The following KCNH4 variants were observed in gnomAD, a reference collection of about 807,000 sequenced individuals.
The protein encoded by KCNH4 is voltage-gated delayed rectifier potassium channel KCNH4.
KCNH4 carries 33 observed loss-of-function variants against 90.7 expected under a neutral mutation model. The observed-to-expected ratio is 0.36, with a 90% CI of 0.28 to 0.49. The LOEUF is 0.49. KCNH4 is among the 20% of genes least tolerant of loss of function. The pLI is 0.98. For synonymous variants in KCNH4, 551 were observed against 581.7 expected (o/e 0.95, Z 0.76); for missense variants, 1,044 against 1,387.1 (o/e 0.75, Z 3.93).
rs1163768172 is a variant in KCNH4 at position 42,181,132 on chromosome 17, C to A, written c.-187G>T. 1.8e-6 allele frequency: 1 copy of A among 551,976 alleles called. No homozygotes were observed. The highest frequency in any genetic ancestry group is 3.3e-5 in the East Asian group (1 of 29,946). The allele number at this position is 551,976 out of a possible 1,614,324, so 34.2% of individuals were successfully genotyped here. On this transcript the variant is annotated 5_prime_UTR_variant, in exon 1 of 17. Transcript: ENST00000264661. ...CCGTAGCTCTCGGCTCGGCTCAGCG[C>A]CGTTTCGGTCCCCCCCACCTCCCCA...
intron 6 of KCNH4, among the ~76,000 whole-genome samples, chr17:42,174,734 A>C (rs186475465): frequency 6.6e-6 from 1 of 152,090 alleles, no homozygotes; most frequent in Non-Finnish European, 1.5e-5. Context: ...AAGACCTACT[A>C]TCTGCTGGCT....
intron 16 of KCNH4, among the ~76,000 whole-genome samples, chr17:42,158,138 G>A (rs2079721160): frequency 6.6e-6 from 1 of 151,804 alleles, no homozygotes; most frequent in Non-Finnish European, 1.5e-5. Flanking sequence ...ATGTTGGTCA[G>A]GCTGGTCTCG....
In KCNH4 at chr17:42,166,381, GGCGCAACA is replaced by G; in HGVS notation, c.1748_1755del (p.Leu583ProfsTer17). The G allele has an allele frequency of 6.2e-7, 1 of 1,613,824 alleles. No homozygotes were observed. Among genetic ancestry groups the G allele is most frequent in the Non-Finnish European group, 8.5e-7 (1 of 1,179,856 alleles). ...TAATGTGCCTGCAGGGCATCCCCAC[GGCGCAACA>G]GGTACTCGCCCGGAGCGCAGAACGA... is the stretch of plus-strand genomic sequence containing the variant. On this transcript the variant is annotated frameshift_variant, in exon 10 of 17. Transcript: ENST00000264661. LOFTEE classifies it high-confidence loss of function.
chr17:42,164,875 G>T (rs530797262), intron 11 of KCNH4, among the ~76,000 whole-genome samples: 1 of 151,494 alleles, frequency 6.6e-6, no homozygotes, highest in African/African-American at 2.4e-5. Context: ...GGAGGCCGAG[G>T]TGGGTGGATC....
chr17:42,159,759 G>T lies in KCNH4; in HGVS notation c.*281C>A, dbSNP rs904581433. ...CCTCCAGGTCCTGGGGAGAAAGTAGGATCTCATCTGCCCAGCCCAATGGGC... is the reference window on the plus strand; with the variant it reads ...CCTCCAGGTCCTGGGGAGAAAGTAGTATCTCATCTGCCCAGCCCAATGGGC... On this transcript the variant is annotated 3_prime_UTR_variant, in exon 16 of 17. Coordinates refer to ENST00000264661, the MANE Select transcript of KCNH4 (RefSeq NM_012285.3). 3.3e-6 allele frequency: 1 copy of T among 303,268 alleles called. No homozygotes were observed. The highest frequency in any genetic ancestry group is 5.0e-5 in the Admixed American group (1 of 19,926). The allele number at this position is 303,268 out of a possible 1,614,324, so 18.8% of individuals were successfully genotyped here. A position where few individuals can be genotyped will look rare whatever the true frequency, so the allele number is the denominator to read the frequency against.
chr17:42,166,975 A>C (rs1378635466), intron 9 of KCNH4, among the ~76,000 whole-genome samples: 1 of 152,136 alleles, frequency 6.6e-6, no homozygotes, highest in East Asian at 1.9e-4. Flanking sequence ...TTATTAGACC[A>C]TGGGCACTAC....
chr17:42,178,959 G>T lies in KCNH4; in HGVS notation c.144C>A (p.Gly48=), dbSNP rs770683947. The change falls in exon 2 of 17, where the codon GGC becomes GGA. Residue 48 remains glycine (G), a synonymous_variant. Transcript: ENST00000264661. The part of the protein sequence containing the change: ...RGFPIVYCSD[G]FCELTGYGRT... ...GACCGTAGCCTGTGAGCTCGCAGAA[G>T]CCGTCGGAGCAGTAGACGATGGGAA... is the stretch of plus-strand genomic sequence containing the variant. 3 of 1,614,140 alleles carry T rather than the reference G, an allele frequency of 1.9e-6. No homozygotes were observed. In the African/African-American group the frequency reaches 4.0e-5, roughly 22 times the overall value.
chr17:42,178,309 G>T, intron 3 of KCNH4, 22 bp downstream of exon 3: 2 of 1,614,154 alleles, frequency 1.2e-6, no homozygotes, highest in Non-Finnish European at 1.7e-6. Context: ...CATTCACACT[G>T]CCCGTCCGGA....
At chr17:42,178,639 G>A (rs930172426) in intron 2 of KCNH4, among the ~76,000 whole-genome samples, 154 bp downstream of exon 2, 1 of 152,266 alleles carries the variant, frequency 6.6e-6, no homozygotes, top group Admixed American at 6.5e-5. Context: ...CTTTCAAATG[G>A]GGGAACCCAG....
chr17:42,160,920 CTTTTTTTTT>C (rs57677761), intron 15 of KCNH4, among the ~76,000 whole-genome samples: 89 of 73,420 alleles, frequency 1.2e-3, no homozygotes, highest in African/African-American at 4.3e-3. Context: ...TTTTCTTTTT[CTTTTTTTTT>C]TTTTTTTTTT....
intron 14 of KCNH4, among the ~76,000 whole-genome samples, chr17:42,162,964 T>A (rs2079759173): frequency 6.6e-6 from 1 of 152,216 alleles, no homozygotes; most frequent in South Asian, 2.1e-4. Context: ...TCCCCTCCTC[T>A]GCAAGGAAGT....
At position 42,165,705 on chromosome 17, in the gene KCNH4, G is replaced by C. The variant is rs1202728514; in HGVS notation, c.1841-12C>G. ...CAGGTCCCCCTTCCCTGTAGGTAAG[G>C]GATGGGGACAGTCAGCTGGGGCAGT... On this transcript the variant is annotated splice_polypyrimidine_tract_variant and intron_variant, in intron 10 of 16. Coordinates refer to ENST00000264661, the MANE Select transcript of KCNH4 (RefSeq NM_012285.3). The C allele has an allele frequency of 6.2e-7, 1 of 1,613,722 alleles. No individual in the cohort carries two copies. Among genetic ancestry groups the C allele is most frequent in the Non-Finnish European group, 8.5e-7 (1 of 1,179,778 alleles).
chr17:42,171,706 G>T (rs529567011), intron 7 of KCNH4, 82 bp downstream of exon 7: 1 of 1,187,868 alleles, frequency 8.4e-7, no homozygotes, highest in Non-Finnish European at 1.3e-6. Context: ...GGGATGAGGG[G>T]TGTGGGTACT....
Position 42,164,029 on chromosome 17 carries a change from C to T in KCNH4, c.2125-71G>A, listed in dbSNP as rs1351613642. The T allele has an allele frequency of 1.7e-5, 26 of 1,503,264 alleles. 1 individual carries two copies. Among genetic ancestry groups the T allele is most frequent in the East Asian group, 5.0e-5 (2 of 40,308 alleles). The allele number at this position is 1,503,264 out of a possible 1,614,324, so 93.1% of individuals were successfully genotyped here. On this transcript the variant is annotated intron_variant, in intron 12 of 16. Coordinates refer to ENST00000264661, the MANE Select transcript of KCNH4 (RefSeq NM_012285.3). ...GACCCCTTCATTAAGTAAGAGCCTT[C>T]GCCGGCGGATGCAGCTCCCCATCCA...
At chr17:42,172,434 A>C (rs1490872980) in intron 6 of KCNH4, among the ~76,000 whole-genome samples, 1 of 151,768 alleles carries the variant, frequency 6.6e-6, no homozygotes, top group Non-Finnish European at 1.5e-5. Flanking sequence ...GGCCTCCCAA[A>C]GTGCTGGGAT....
chr17:42,177,247 C>T (rs2079868404), intron 4 of KCNH4, among the ~76,000 whole-genome samples: 1 of 152,122 alleles, frequency 6.6e-6, no homozygotes, highest in Non-Finnish European at 1.5e-5. Flanking sequence ...TGGGGTTTCT[C>T]CATGTTGGTC....
At position 42,163,499 on chromosome 17, in the gene KCNH4, G is replaced by A. The variant is rs1294729184; in HGVS notation, c.2477+107C>T. ...GGTTGGAAGGGTGCGGTGGGCACAC[G>A]GGCAGAGACGGAATGTAGCACTGTT... On this transcript the variant is annotated intron_variant, in intron 13 of 16. Transcript: ENST00000264661. This position sits in a 1 kb window ranked among gnomAD's most constrained non-coding sequence, Gnocchi z 5.4. The A allele has an allele frequency of 4.2e-5, 31 of 739,492 alleles. No homozygotes were observed. The Admixed American group carries it at 6.3e-4, about 15-fold the overall frequency. 45.8% of individuals were successfully genotyped at this position (739,492 alleles called of 1,614,324 possible).
At chr17:42,166,231 A>T (rs1407158009) in intron 10 of KCNH4, 66 bp downstream of exon 10, 6 of 1,511,622 alleles carry the variant, frequency 4.0e-6, no homozygotes, top group Non-Finnish European at 4.4e-6. Flanking sequence ...GGCCATTCCC[A>T]AGTCCTCAGT....
Position 42,162,304 on chromosome 17 carries a change from C to T in KCNH4, c.2602G>A (p.Glu868Lys). ...ACCTCCTCAGCCTCACTGGCCAATT[C>T]TGGGCTGGGCCTGGTCCCTGCAGGG... ...APPTGTRPSP[E>K]LASEAEEVKE... Residue 868 changes from glutamate to lysine, a missense_variant, in exon 15 of 17, where the codon GAA becomes AAA. By Grantham distance (56) the Glu-to-Lys change is moderately conservative. Coordinates refer to ENST00000264661, the MANE Select transcript of KCNH4 (RefSeq NM_012285.3). The T allele has an allele frequency of 6.2e-7, 1 of 1,613,824 alleles. No homozygotes were observed. Among genetic ancestry groups the T allele is most frequent in the Non-Finnish European group, 8.5e-7 (1 of 1,179,866 alleles).
Sources: gnomAD v4.1 joint callset for allele counts (sites outside exome capture counted in the v4.1 genomes callset) on GRCh38, gnomAD v4.1.1 for gene constraint, Gnocchi (gnomAD v3.1) non-coding constraint, MANE v1.5 for transcripts, NCBI Gene and HGNC (gene_info 2026-07-23, HGNC 2026-07-21) for gene names.